The following KCNC3 variants were observed in gnomAD, a reference collection of about 807,000 sequenced individuals.
The protein encoded by KCNC3 is potassium voltage-gated channel subfamily C member 3, also known as voltage-gated potassium channel KCNC3.
A neutral mutation model predicts 43.9 loss-of-function variants in KCNC3; 22 were observed. The observed-to-expected ratio is 0.50, with a 90% confidence interval of 0.36 to 0.72. The LOEUF is 0.72. Ranked by LOEUF, KCNC3 falls within the 30% of genes least tolerant of loss-of-function variation. KCNC3 has a pLI of 0.00. For missense variants in KCNC3, 829 were observed against 1,073.8 expected, an observed-to-expected ratio of 0.77 and a Z score of 3.19; for synonymous variants, 492 against 488.0, an observed-to-expected ratio of 1.01 and a Z score of -0.11.
chr19:50,322,798 C>G (rs572397146), intron 2 of KCNC3, among the ~76,000 whole-genome samples, 177 bp downstream of exon 2: 1 of 152,318 alleles, frequency 6.6e-6, no homozygotes, highest in Non-Finnish European at 1.5e-5. Flanking sequence ...TCCCATGAAA[C>G]CTATGTCTCT....
At chr19:50,325,868 C>T (rs2037098574) in intron 1 of KCNC3, among the ~76,000 whole-genome samples, 1 of 151,978 alleles carries the variant, frequency 6.6e-6, no homozygotes, top group Non-Finnish European at 1.5e-5. Flanking sequence ...TGCTTTCCGG[C>T]GGGAGGCCAA....
rs991851074 is a variant in KCNC3 at position 50,328,967 on chromosome 19, TGCGGCGGCAGCGGTG to T, written c.101_115del (p.Pro34_Pro38del). 6.6e-5 allele frequency: 64 copies of T among 970,908 alleles called. No homozygotes were observed. The African/African-American group carries it at 9.2e-4, about 14-fold the overall frequency. 60.1% of individuals were successfully genotyped at this position (970,908 alleles called of 1,614,324 possible). On this transcript the variant is annotated inframe_deletion, in exon 1 of 5. Transcript: ENST00000477616. The stretch of plus-strand genomic sequence containing the variant: ...GCCGGGCTGCGCAGGCTGCTGCTGC[TGCGGCGGCAGCGGTG>T]GCGGCGGCGGGGACTCGGGCGGCTG...
chr19:50,319,555 A>G (rs796644102), intron 4 of KCNC3, among the ~76,000 whole-genome samples: 2 of 152,308 alleles, frequency 1.3e-5, no homozygotes, highest in African/African-American at 4.8e-5. Flanking sequence ...GCGTGTGGTC[A>G]GAACTCCTGC....
At position 50,315,798 on chromosome 19, in the gene KCNC3, G is replaced by C; in HGVS notation, c.*317C>G. The C allele has an allele frequency of 4.7e-6, 1 of 211,890 alleles. No homozygotes were observed. Among genetic ancestry groups the C allele is most frequent in the Non-Finnish European group, 9.7e-6 (1 of 102,648 alleles). The allele number at this position is 211,890 out of a possible 1,614,324, so 13.1% of individuals were successfully genotyped here. A position where few individuals can be genotyped will look rare whatever the true frequency, so the allele number is the denominator to read the frequency against. Reference sequence around the variant, plus strand: ...TGACGGGTGCGGGAAGGCTCTCACAGGCATCTCACAGCTAATGGGACTCAA... The same window carrying C: ...TGACGGGTGCGGGAAGGCTCTCACACGCATCTCACAGCTAATGGGACTCAA... On this transcript the variant is annotated 3_prime_UTR_variant, in exon 5 of 5. Transcript: ENST00000477616.
intron 4 of KCNC3, among the ~76,000 whole-genome samples, chr19:50,319,813 G>A (rs1393591055): frequency 1.3e-5 from 2 of 152,042 alleles, no homozygotes; most frequent in Non-Finnish European, 2.9e-5. Flanking sequence ...TCTAAGCGCT[G>A]GCTGAATTCA....
Position 50,329,091 on chromosome 19 carries a change from G to C in KCNC3, c.-9C>G. 1 of 874,250 alleles carries C rather than the reference G, an allele frequency of 1.1e-6. No homozygotes were observed. The highest frequency in any genetic ancestry group is 1.6e-6 in the Non-Finnish European group (1 of 634,768). 54.2% of individuals were successfully genotyped at this position (874,250 alleles called of 1,614,324 possible). ...CAGACTGAGCTCAGCATTGGACGGG[G>C]GGCGGGGCGGGAGGGGCGGGGACGC... On this transcript the variant is annotated 5_prime_UTR_variant, in exon 1 of 5. Transcript: ENST00000477616.
rs2037131397 is a variant in KCNC3 at position 50,328,300 on chromosome 19, C to T, written c.783G>A (p.Ala261=). The T allele has an allele frequency of 1.7e-6, 2 of 1,156,636 alleles. No individual in the cohort carries two copies. The highest frequency in any genetic ancestry group is 1.6e-5 in the African/African-American group (1 of 61,322). 71.6% of individuals were successfully genotyped at this position (1,156,636 alleles called of 1,614,324 possible). A position where few individuals can be genotyped will look rare whatever the true frequency, so the allele number is the denominator to read the frequency against. ...GGGAGGPPGG[A]GGAGGTWWRR... The stretch of plus-strand genomic sequence containing the variant: ...GCCACCATGTGCCGCCCGCGCCGCC[C>T]GCGCCCCCTGGCGGCCCCCCGGCGC... Residue 261 remains alanine, a synonymous_variant, in exon 1 of 5, where the codon GCG becomes GCA. Coordinates refer to ENST00000477616, the MANE Select transcript of KCNC3 (RefSeq NM_004977.3).
chr19:50,320,013 A>T (rs1478089271), intron 4 of KCNC3, among the ~76,000 whole-genome samples: 1 of 142,714 alleles, frequency 7.0e-6, no homozygotes, highest in Non-Finnish European at 1.5e-5. Flanking sequence ...GGCAGGGTTG[A>T]GTTAGTTCGG....
At chr19:50,330,058 G>C (rs955299894), upstream of KCNC3, among the ~76,000 whole-genome samples, 28 of 152,168 alleles carry the variant, frequency 1.8e-4, no homozygotes, top group African/African-American at 6.8e-4. Flanking sequence ...TTTGAGGTCA[G>C]GAGTTCGAGA....
At chr19:50,316,197 C>A in intron 4 of KCNC3, 106 bp from the exon 5 acceptor site, 1 of 367,132 alleles carries the variant, frequency 2.7e-6, no homozygotes, top group South Asian at 1.4e-4. Context: ...CCGCCGGGAT[C>A]ATTTCCTCCT....
upstream of KCNC3, among the ~76,000 whole-genome samples, chr19:50,331,272 C>A (rs1215016605): frequency 8.1e-6 from 1 of 122,744 alleles, no homozygotes; most frequent in African/African-American, 4.6e-5. Flanking sequence ...TCCCCGCCCC[C>A]CCACCCCAGC....
In KCNC3 at chr19:50,320,252, G is replaced by A; in HGVS notation, c.2268C>T (p.Ser756=). ...DLNANAAAWI[S]P ...GGGGGAGGGGGTTCGTCCACTAGGG[G>A]GATATCCAGGCCGCGGCGTTGGCGT... Residue 756 remains serine, a synonymous_variant, in exon 4 of 5, where the codon TCC becomes TCT. Transcript: ENST00000477616. The A allele has an allele frequency of 1.1e-6, 1 of 940,196 alleles. No individual in the cohort carries two copies. Among genetic ancestry groups the A allele is most frequent in the Non-Finnish European group, 1.4e-6 (1 of 698,738 alleles). 58.2% of individuals were successfully genotyped at this position (940,196 alleles called of 1,614,324 possible).
chr19:50,325,585 T>TC (rs113699983), intron 1 of KCNC3, among the ~76,000 whole-genome samples: 22 of 151,792 alleles, frequency 1.4e-4, no homozygotes, highest in Non-Finnish European at 2.4e-4. Context: ...CTCTCTGAAC[T>TC]CCCCCCCCAC....
intron 3 of KCNC3, 22 bp downstream of exon 3, chr19:50,320,571 A>G (rs571846230): frequency 6.2e-7 from 1 of 1,600,368 alleles, no homozygotes; most frequent in Non-Finnish European, 8.5e-7. Flanking sequence ...GTCCCAGGGG[A>G]TCAGTAGGGG....
chr19:50,320,253 G>T lies in KCNC3; in HGVS notation c.2267C>A (p.Ser756Tyr). ...DLNANAAAWI[S>Y]P Reference sequence around the variant, plus strand: ...GGGGAGGGGGTTCGTCCACTAGGGGGATATCCAGGCCGCGGCGTTGGCGTT... The same window carrying T: ...GGGGAGGGGGTTCGTCCACTAGGGGTATATCCAGGCCGCGGCGTTGGCGTT... Residue 756 changes from serine (S) to tyrosine (Y), a missense_variant, in exon 4 of 5, where the codon TCC becomes TAC. By Grantham distance (144) the Ser-to-Tyr change is moderately radical (BLOSUM62 -2). This residue lies in a region of KCNC3 where 308 missense variants were observed against 276.2 expected (regional missense o/e 1.11). Coordinates refer to ENST00000477616, the MANE Select transcript of KCNC3 (RefSeq NM_004977.3). 5 of 896,940 alleles carry T rather than the reference G, an allele frequency of 5.6e-6. No homozygotes were observed. Among genetic ancestry groups the T allele is most frequent in the Non-Finnish European group, 6.0e-6 (4 of 666,618 alleles). The allele number at this position is 896,940 out of a possible 1,614,324, so 55.6% of individuals were successfully genotyped here.
chr19:50,326,925 G>GA lies in KCNC3; in HGVS notation c.870+1287_870+1288insT, dbSNP rs1047101873. ...CTAGGTTCTGGGTTTTGCACGGCGG[G>GA]GGGGGAGGTTCGAGAAAGGAAGAGG... On this transcript the variant is annotated intron_variant, in intron 1 of 4. Coordinates refer to ENST00000477616, the MANE Select transcript of KCNC3 (RefSeq NM_004977.3). Among the ~76,000 whole-genome samples, 23 of 151,110 alleles carry GA rather than the reference G, an allele frequency of 1.5e-4. 1 individual carries two copies. The highest frequency in any genetic ancestry group is 2.7e-4 in the Non-Finnish European group (18 of 67,804).
intron 4 of KCNC3, among the ~76,000 whole-genome samples, chr19:50,318,471 G>A (rs540316269): frequency 2.4e-4 from 37 of 152,062 alleles, no homozygotes; most frequent in African/African-American, 8.0e-4. Context: ...CACCCCCGCC[G>A]CCCAGCCTTA....
intron 1 of KCNC3, among the ~76,000 whole-genome samples, 167 bp downstream of exon 1, chr19:50,328,046 G>A (rs1407612756): frequency 6.6e-6 from 1 of 151,234 alleles, no homozygotes; most frequent in Non-Finnish European, 1.5e-5. Context: ...CTGCGAGAGG[G>A]GGGTGTGTTC....
rs1014745190 is a variant in KCNC3, at chr19:50,320,267, G to A, written c.2253C>T (p.Ala751=). The A allele has an allele frequency of 1.7e-5, 18 of 1,068,068 alleles. No homozygotes were observed. The highest frequency in any genetic ancestry group is 2.8e-4 in the Middle Eastern group (1 of 3,632). The allele number at this position is 1,068,068 out of a possible 1,614,324, so 66.2% of individuals were successfully genotyped here. The change falls in exon 4 of 5, where the codon GCC becomes GCT. Residue 751 remains alanine (A), a synonymous_variant. Coordinates refer to ENST00000477616, the MANE Select transcript of KCNC3 (RefSeq NM_004977.3). ...PSFLPDLNAN[A]AAWISP is the part of the protein sequence containing the mutation. The stretch of plus-strand genomic sequence containing the variant: ...TCCACTAGGGGGATATCCAGGCCGC[G>A]GCGTTGGCGTTGAGGTCGGGCAAGA...
Sources: allele counts gnomAD v4.1 joint callset (sites outside exome capture counted in the v4.1 genomes callset), GRCh38; gene constraint gnomAD v4.1.1; regional missense constraint gnomAD v4.1.1; transcripts MANE v1.5; gene names NCBI Gene and HGNC (gene_info 2026-07-23, HGNC 2026-07-21).